The following CENPU variants were observed in gnomAD, a reference collection of about 807,000 sequenced individuals.
CENPU encodes KSHV latent nuclear antigen interacting protein 1.
In CENPU, 46 loss-of-function variants were observed where a neutral mutation model predicts 56.7. That is an observed-to-expected ratio of 0.81 (90% CI 0.64 to 1.04). The LOEUF (loss-of-function observed/expected upper bound fraction) is 1.04, where lower values mean the gene tolerates loss of function less well. CENPU is among the 50% of genes least tolerant of loss of function. The probability of loss-of-function intolerance (pLI) is 0.00; values close to 1 mark genes in which losing one functional copy is unlikely to be tolerated. For missense variants in CENPU, 510 were observed against 490.1 expected, an observed-to-expected ratio of 1.04 and a Z score of -0.38; for synonymous variants, 166 against 163.0, an observed-to-expected ratio of 1.02 and a Z score of -0.14.
At chr4:184,733,730 G>A (rs533467233) in intron 1 of CENPU, among the ~76,000 whole-genome samples, 1 of 152,344 alleles carries the variant, frequency 6.6e-6, no homozygotes, top group East Asian at 1.9e-4. Context: ...CTAGCACTTT[G>A]AGACTCACTA....
At chr4:184,702,889 C>T (rs1241780764) in intron 8 of CENPU, among the ~76,000 whole-genome samples, 1 of 152,148 alleles carries the variant, frequency 6.6e-6, no homozygotes, top group Non-Finnish European at 1.5e-5. Flanking sequence ...CATATTGCTG[C>T]AAAGGACATG....
Position 184,697,804 on chromosome 4 carries a change from C to A in CENPU, c.987-1G>T. On this transcript the variant is annotated splice_acceptor_variant, in intron 11 of 12. Transcript: ENST00000281453. LOFTEE classifies it high-confidence loss of function. Reference sequence around the variant, plus strand: ...TAGTTGTTTCAGCTGTGGCTCTAACCTAAAACAAAAATAAGTGACAAATAA... The same window carrying A: ...TAGTTGTTTCAGCTGTGGCTCTAACATAAAACAAAAATAAGTGACAAATAA... The A allele has an allele frequency of 6.3e-7, 1 of 1,590,686 alleles. No individual in the cohort carries two copies. Among genetic ancestry groups the A allele is most frequent in the East Asian group, 2.2e-5 (1 of 44,716 alleles).
At chr4:184,729,206 T>A (rs1182083908) in intron 2 of CENPU, among the ~76,000 whole-genome samples, 171 bp from the exon 3 acceptor site, 1 of 152,230 alleles carries the variant, frequency 6.6e-6, no homozygotes, top group Non-Finnish European at 1.5e-5. Flanking sequence ...CATAGACATG[T>A]ATGGCAAGAT....
At chr4:184,699,532 T>C in intron 11 of CENPU, 2 of 1,282,780 alleles carry the variant, frequency 1.6e-6, no homozygotes, top group African/African-American at 3.0e-5. Context: ...CCCTATTATA[T>C]TTACCTTTAG....
intron 1 of CENPU, among the ~76,000 whole-genome samples, chr4:184,732,625 G>GGA (rs397755589): frequency 4.0e-5 from 6 of 148,922 alleles, no homozygotes; most frequent in Non-Finnish European, 9.0e-5. Context: ...TCTTGGGGGG[G>GGA]AAAAAAAGTC....
chr4:184,733,311 C>G (rs908174438), intron 1 of CENPU: 27 of 986,258 alleles, frequency 2.7e-5, no homozygotes, highest in Non-Finnish European at 3.3e-5. Flanking sequence ...CTCCTCCAGG[C>G]AGCCTTCCCA....
At chr4:184,720,578 C>G (rs1003699073) in intron 4 of CENPU, among the ~76,000 whole-genome samples, 9 of 152,128 alleles carry the variant, frequency 5.9e-5, no homozygotes, top group Non-Finnish European at 4.4e-5. Flanking sequence ...AAGACTCCCT[C>G]AAGGCATTTA....
In CENPU at chr4:184,694,116, C is replaced by A; in HGVS notation, c.*1172G>T. 1 of 539,722 alleles carries A rather than the reference C, an allele frequency of 1.9e-6. No homozygotes were observed. Among genetic ancestry groups the A allele is most frequent in the Non-Finnish European group, 2.4e-6 (1 of 423,152 alleles). The allele number at this position is 539,722 out of a possible 1,614,324, so 33.4% of individuals were successfully genotyped here. On this transcript the variant is annotated 3_prime_UTR_variant, in exon 13 of 13. Transcript: ENST00000281453. ...CAACTGTTTTTAATCTTTTTTCAAT[C>A]CATGTTTACGATTTGCTAAATACTT... is the stretch of plus-strand genomic sequence containing the variant.
In CENPU at chr4:184,695,301, A is replaced by G; in HGVS notation, c.1244T>C (p.Leu415Pro). Residue 415 changes from leucine to proline, a missense_variant, in exon 13 of 13, where the codon CTT becomes CCT. Coordinates refer to ENST00000281453, the MANE Select transcript of CENPU (RefSeq NM_024629.4). ...RNINHQLEKL[L>P]DQG ...AGACTGCTCTTCTCATCCCTGGTCA[A>G]GGAGCTTCTCTAACTGATGGTTGAT... 2 of 1,612,512 alleles carry G rather than the reference A, an allele frequency of 1.2e-6. No homozygotes were observed. Among genetic ancestry groups the G allele is most frequent in the East Asian group, 2.2e-5 (1 of 44,848 alleles).
chr4:184,732,781 A>G (rs989623874), intron 1 of CENPU, among the ~76,000 whole-genome samples: 1 of 152,116 alleles, frequency 6.6e-6, no homozygotes, highest in African/African-American at 2.4e-5. Context: ...AGGAGGGCGG[A>G]TCACGAGGTG....
Position 184,716,409 on chromosome 4 carries a change from T to C in CENPU, c.606A>G (p.Ile202Met). 6.2e-7 allele frequency: 1 copy of C among 1,613,608 alleles called. No homozygotes were observed. The highest frequency in any genetic ancestry group is 8.5e-7 in the Non-Finnish European group (1 of 1,179,736). ...QPSVEKENLAIESQSKTQKKG... is the reference protein window; with the variant it reads ...QPSVEKENLAMESQSKTQKKG... ...CAGACGTTCTTACCGATTGACTTTC[T>C]ATTGCCAAGTTCTCTTTTTCAACAG... is the stretch of plus-strand genomic sequence containing the variant. Residue 202 changes from isoleucine (I) to methionine (M), a missense_variant, in exon 6 of 13, where the codon ATA becomes ATG. Ile to Met is a conservative substitution (Grantham distance 10, BLOSUM62 1). Coordinates refer to ENST00000281453, the MANE Select transcript of CENPU (RefSeq NM_024629.4).
chr4:184,728,733 T>C (rs1242524285), intron 3 of CENPU, among the ~76,000 whole-genome samples, 185 bp downstream of exon 3: 1 of 152,220 alleles, frequency 6.6e-6, no homozygotes, highest in Non-Finnish European at 1.5e-5. Flanking sequence ...TTGATAATGT[T>C]CTTAGTTTCA....
At chr4:184,729,850 A>G (rs1303429458) in intron 2 of CENPU, among the ~76,000 whole-genome samples, 4 of 152,272 alleles carry the variant, frequency 2.6e-5, no homozygotes, top group Non-Finnish European at 5.9e-5. Context: ...ACATAAAATG[A>G]GAAAAACTTT....
chr4:184,698,472 CAG>C (rs1363444137), intron 11 of CENPU, among the ~76,000 whole-genome samples: 2 of 152,124 alleles, frequency 1.3e-5, no homozygotes, highest in African/African-American at 4.8e-5. Context: ...TTTTTTGAGA[CAG>C]AGTCTTGCTC....
In CENPU at chr4:184,723,071, C is replaced by T. The variant is rs541291173; in HGVS notation, c.320+1886G>A. Among the ~76,000 whole-genome samples the T allele has an allele frequency of 2.0e-5, 3 of 152,222 alleles. 1 individual carries two copies. Among genetic ancestry groups the T allele is most frequent in the African/African-American group, 4.8e-5 (2 of 41,548 alleles). On this transcript the variant is annotated intron_variant, in intron 4 of 12. Transcript: ENST00000281453. ...AAGTGTGAAATGGCACTCCCAGTGG[C>T]ACTGGGAGTGACAGCACAGACTGGA...
At chr4:184,717,063 G>C in intron 5 of CENPU, 73 bp downstream of exon 5, 2 of 958,032 alleles carry the variant, frequency 2.1e-6, no homozygotes, top group East Asian at 2.5e-5. Flanking sequence ...ATATTTTACA[G>C]AACATTTTCT....
Position 184,697,740 on chromosome 4 carries a change from G to A in CENPU, c.1050C>T (p.Ser350=), listed in dbSNP as rs778419024. Reference sequence around the variant, plus strand: ...ATAAGAAATATGCTGCATTCCTAAGGGAAGACTTTCTCTCTTTAAGTTCAT... The same window carrying A: ...ATAAGAAATATGCTGCATTCCTAAGAGAAGACTTTCTCTCTTTAAGTTCAT... ...KYDELKERKS[S]LRNAAYFLSN... The change falls in exon 12 of 13, where the codon TCC becomes TCT. Residue 350 remains serine (S), a synonymous_variant. Coordinates refer to ENST00000281453, the MANE Select transcript of CENPU (RefSeq NM_024629.4). 1 of 1,612,742 alleles carries A rather than the reference G, an allele frequency of 6.2e-7. No individual in the cohort carries two copies. The highest frequency in any genetic ancestry group is 8.5e-7 in the Non-Finnish European group (1 of 1,179,336).
At chr4:184,728,071 C>T (rs2150230577) in intron 3 of CENPU, among the ~76,000 whole-genome samples, 1 of 152,238 alleles carries the variant, frequency 6.6e-6, no homozygotes, top group Admixed American at 6.5e-5. Flanking sequence ...GACGGTTGTA[C>T]AACCTTGTGA....
chr4:184,697,937 G>A (rs763296162), intron 11 of CENPU, 134 bp from the exon 12 acceptor site: 3 of 604,278 alleles, frequency 5.0e-6, no homozygotes, highest in East Asian at 2.8e-5. Flanking sequence ...CTGAAACTAC[G>A]AATGTGTAAA....
Sources: allele counts gnomAD v4.1 joint callset (sites outside exome capture counted in the v4.1 genomes callset), GRCh38; gene constraint gnomAD v4.1.1; transcripts MANE v1.5; gene names NCBI Gene and HGNC (gene_info 2026-07-23, HGNC 2026-07-21).